PACRG: variants seen among roughly 807,000 people sequenced by gnomAD.
The protein encoded by PACRG is parkin coregulated gene protein.
PACRG carries 29 observed loss-of-function variants against 29.7 expected under a neutral mutation model. The observed-to-expected ratio is 0.98, with a 90% CI of 0.73 to 1.33. The LOEUF (loss-of-function observed/expected upper bound fraction) is 1.33, where lower values mean the gene tolerates loss of function less well. PACRG is among the 40% of genes most tolerant of loss of function. The probability of loss-of-function intolerance (pLI) is 0.00; values close to 1 mark genes in which losing one functional copy is unlikely to be tolerated. For synonymous variants in PACRG, 116 were observed against 118.7 expected (o/e 0.98, Z 0.15); for missense variants, 279 against 316.2 (o/e 0.88, Z 0.89).
chr6:162,763,646 C>T (rs1782554501), intron 1 of PACRG, among the ~76,000 whole-genome samples: 2 of 152,136 alleles, frequency 1.3e-5, no homozygotes, highest in South Asian at 4.1e-4. Flanking sequence ...TATCGACTGT[C>T]TTTGAGATCA....
intron 4 of PACRG, among the ~76,000 whole-genome samples, chr6:163,147,790 T>C (rs1777861084): frequency 6.6e-6 from 1 of 152,168 alleles, no homozygotes; most frequent in Non-Finnish European, 1.5e-5. Context: ...CACTGGGCTG[T>C]TCACTATCCC....
At chr6:162,727,542 C>A (rs1036584200), upstream of PACRG, 2 of 1,124,836 alleles carry the variant, frequency 1.8e-6, no homozygotes, top group East Asian at 2.7e-5. Flanking sequence ...ACGGCACGGG[C>A]ACTTTGGCCC....
chr6:162,895,763 G>A (rs1795119483), intron 2 of PACRG, among the ~76,000 whole-genome samples: 1 of 152,116 alleles, frequency 6.6e-6, no homozygotes. Flanking sequence ...AGTCTTAATT[G>A]GAGTTATCTG....
chr6:162,904,490 G>A (rs771934626), intron 2 of PACRG, among the ~76,000 whole-genome samples: 4 of 152,204 alleles, frequency 2.6e-5, no homozygotes, highest in Non-Finnish European at 5.9e-5. Flanking sequence ...TGGTGGCAGT[G>A]TCCGATTCCT....
chr6:162,943,383 A>G (rs1798767879), intron 2 of PACRG, among the ~76,000 whole-genome samples: 1 of 152,198 alleles, frequency 6.6e-6, no homozygotes, highest in Non-Finnish European at 1.5e-5. Context: ...CACCAGCAGC[A>G]GTGGGCTGTT....
intron 4 of PACRG, among the ~76,000 whole-genome samples, chr6:163,209,216 G>C (rs1781036115): frequency 6.6e-6 from 1 of 152,182 alleles, no homozygotes. Context: ...CTGAAATAGA[G>C]CATCTTACCA....
intron 4 of PACRG, among the ~76,000 whole-genome samples, chr6:163,128,798 C>G (rs1025173437): frequency 6.6e-6 from 1 of 152,156 alleles, no homozygotes; most frequent in African/African-American, 2.4e-5. Flanking sequence ...GATTTGGAAT[C>G]CATTTACCGC....
intron 1 of PACRG, among the ~76,000 whole-genome samples, chr6:162,797,650 G>GT (rs1002827338): frequency 6.6e-6 from 1 of 151,920 alleles, no homozygotes; most frequent in African/African-American, 2.4e-5. Flanking sequence ...AAAAATATTT[G>GT]TTTTTTTCTC....
intron 2 of PACRG, chr6:162,997,340 G>A (rs1054746462): frequency 2.4e-6 from 1 of 423,028 alleles, no homozygotes; most frequent in Non-Finnish European, 4.7e-6. Context: ...GCCAAAGTAT[G>A]GTTTATTTGC....
chr6:163,225,481 A>G (rs777846779), intron 4 of PACRG, among the ~76,000 whole-genome samples: 1 of 152,204 alleles, frequency 6.6e-6, no homozygotes, highest in Non-Finnish European at 1.5e-5. Flanking sequence ...CTCCCCAGCC[A>G]TGCAGAACTG....
chr6:162,992,493 A>G (rs1482471445), intron 2 of PACRG, among the ~76,000 whole-genome samples: 3 of 147,966 alleles, frequency 2.0e-5, no homozygotes, highest in Non-Finnish European at 4.5e-5. Flanking sequence ...CGAGGAATGT[A>G]TCCATTTCTT....
chr6:163,103,813 G>C (rs1420756505), intron 4 of PACRG, among the ~76,000 whole-genome samples: 1 of 152,198 alleles, frequency 6.6e-6, no homozygotes, highest in Non-Finnish European at 1.5e-5. Context: ...GCTCGACACT[G>C]TATTATTTTT....
chr6:163,256,397 G>T (rs936163856), intron 4 of PACRG, among the ~76,000 whole-genome samples: 1 of 152,210 alleles, frequency 6.6e-6, no homozygotes, highest in Non-Finnish European at 1.5e-5. Context: ...CTCGTTGGAG[G>T]AGACAAGATA....
At chr6:163,224,232 A>G (rs1296401560) in intron 4 of PACRG, among the ~76,000 whole-genome samples, 1 of 151,680 alleles carries the variant, frequency 6.6e-6, no homozygotes, top group Non-Finnish European at 1.5e-5. Flanking sequence ...AGCCAGGCAC[A>G]GTGACAGGCA....
chr6:163,100,408 C>T (rs1445344345), intron 4 of PACRG, among the ~76,000 whole-genome samples: 1 of 152,174 alleles, frequency 6.6e-6, no homozygotes, highest in East Asian at 1.9e-4. Flanking sequence ...AAGGCCCAGG[C>T]GTCGCGCGGC....
chr6:162,977,372 C>G (rs558716214), intron 2 of PACRG, among the ~76,000 whole-genome samples: 19 of 149,396 alleles, frequency 1.3e-4, no homozygotes, highest in Non-Finnish European at 1.5e-4. Flanking sequence ...AACATATAAA[C>G]AAGATACCAT....
chr6:163,022,832 T>G (rs1356162823), intron 2 of PACRG, among the ~76,000 whole-genome samples: 1 of 152,260 alleles, frequency 6.6e-6, no homozygotes, highest in Non-Finnish European at 1.5e-5. Flanking sequence ...TTGGCTTAAA[T>G]AATTTCCTGC....
intron 4 of PACRG, among the ~76,000 whole-genome samples, chr6:163,256,073 A>G (rs1187940512): frequency 1.3e-5 from 2 of 152,236 alleles, no homozygotes; most frequent in African/African-American, 2.4e-5. Flanking sequence ...CTCATGTACT[A>G]TTCTACGTTC....
intron 4 of PACRG, among the ~76,000 whole-genome samples, chr6:163,131,225 G>A (rs756981887): frequency 2.6e-5 from 4 of 150,982 alleles, no homozygotes; most frequent in East Asian, 3.9e-4. Flanking sequence ...GGAGGATGGC[G>A]TGAACCCGGG....
Sources: allele counts gnomAD v4.1 joint callset (sites outside exome capture counted in the v4.1 genomes callset), GRCh38; gene constraint gnomAD v4.1.1; transcripts MANE v1.5; gene names NCBI Gene and HGNC (gene_info 2026-07-23, HGNC 2026-07-21).